Variants in SCN8A observed in about 807,000 individuals in gnomAD.
The protein encoded by SCN8A is sodium voltage-gated channel alpha subunit 8.
SCN8A carries 30 observed loss-of-function variants against 184.1 expected under a neutral mutation model. The ratio of observed to expected loss-of-function variants is 0.16; its 90% confidence interval spans 0.12 to 0.22. The LOEUF (loss-of-function observed/expected upper bound fraction) is 0.22, where lower values mean the gene tolerates loss of function less well. Among genes scored for constraint, SCN8A ranks in the 10% least tolerant of loss-of-function variants. SCN8A has a pLI of 1.00. For synonymous variants in SCN8A, 852 were observed against 907.0 expected (o/e 0.94, Z 1.09); for missense variants, 1,057 against 2,498.9 (o/e 0.42, Z 12.30).
intron 12 of SCN8A, among the ~76,000 whole-genome samples, chr12:51,732,705 A>G (rs1028569891): frequency 2.6e-5 from 4 of 152,182 alleles, no homozygotes; most frequent in Admixed American, 6.5e-5. Flanking sequence ...AACATGGAAT[A>G]TCTTTCCAGT....
intron 20 of SCN8A, 69 bp from the exon 21 acceptor site, chr12:51,780,561 CTTTCTTTTTTTTTTTTTTT>C: frequency 2.2e-6 from 1 of 457,834 alleles, no homozygotes; most frequent in African/African-American, 1.1e-4. Context: ...CCTCTGTTTT[CTTTCTTTTTTTTTTTTTTT>C]TTTTTTTTTT....
intron 26 of SCN8A, among the ~76,000 whole-genome samples, chr12:51,804,755 A>T (rs1938650857): frequency 6.6e-6 from 1 of 152,176 alleles, no homozygotes; most frequent in Non-Finnish European, 1.5e-5. Flanking sequence ...GATTACAGGC[A>T]TGAGCCATTG....
intron 1 of SCN8A, among the ~76,000 whole-genome samples, chr12:51,595,024 CTGTT>C (rs954582024): frequency 5.3e-5 from 8 of 152,136 alleles, no homozygotes; most frequent in Non-Finnish European, 8.8e-5. Flanking sequence ...CTCGTAAAGT[CTGTT>C]TGTTTATATT....
At chr12:51,660,366 C>G (rs1262140874) in intron 1 of SCN8A, among the ~76,000 whole-genome samples, 1 of 152,208 alleles carries the variant, frequency 6.6e-6, no homozygotes, top group Non-Finnish European at 1.5e-5. Context: ...AAGAATTTGT[C>G]AGCATCTTCA....
chr12:51,689,698 T>A (rs1941475662), intron 6 of SCN8A: 1 of 152,386 alleles, frequency 6.6e-6, no homozygotes, highest in African/African-American at 2.4e-5. Flanking sequence ...AGTAGACATC[T>A]ACTGTACATA....
chr12:51,643,305 G>A (rs1260095698), intron 1 of SCN8A, among the ~76,000 whole-genome samples: 4 of 152,120 alleles, frequency 2.6e-5, no homozygotes, highest in East Asian at 3.9e-4. Context: ...TATTTTCTTC[G>A]AGTTCGAGTC....
intron 1 of SCN8A, among the ~76,000 whole-genome samples, chr12:51,603,514 G>A (rs11169885): frequency 4.3e-3 from 649 of 152,262 alleles, no homozygotes; most frequent in Non-Finnish European, 6.6e-3. Context: ...ACAGGTTTTT[G>A]TGTGACCCTA....
chr12:51,680,433 T>C (rs1360401758), intron 2 of SCN8A, among the ~76,000 whole-genome samples: 1 of 152,192 alleles, frequency 6.6e-6, no homozygotes, highest in African/African-American at 2.4e-5. Flanking sequence ...TAATTCAGAA[T>C]CCTACCTCCT....
At chr12:51,636,902 T>C (rs1216695093) in intron 1 of SCN8A, among the ~76,000 whole-genome samples, 1 of 152,248 alleles carries the variant, frequency 6.6e-6, no homozygotes, top group Non-Finnish European at 1.5e-5. Flanking sequence ...GGCTTTGCTT[T>C]ATTGTAATTT....
intron 19 of SCN8A, among the ~76,000 whole-genome samples, chr12:51,773,698 C>T (rs528189592): frequency 1.3e-5 from 2 of 152,348 alleles, no homozygotes; most frequent in South Asian, 2.1e-4. Flanking sequence ...AAAACCCATA[C>T]ACAGATGTTC....
Position 51,773,827 on chromosome 12 carries a change from G to A in SCN8A, c.3646-362G>A, listed in dbSNP as rs12308765. Among the ~76,000 whole-genome samples the A allele has an allele frequency of 7.8e-3, 1,180 of 152,204 alleles. 15 individuals are homozygous for A. Among genetic ancestry groups the A allele is most frequent in the Middle Eastern group, 0.034 (10 of 294 alleles). On this transcript the variant is annotated intron_variant, in intron 19 of 26. Coordinates refer to ENST00000627620, the MANE Select transcript of SCN8A (RefSeq NM_001330260.2). ...TCAGCCGTAAGAAGGAAAATCTAGAGAGAGAAAGTAGGTGAGTGGCTGCCT... is the reference window on the plus strand; with the variant it reads ...TCAGCCGTAAGAAGGAAAATCTAGAAAGAGAAAGTAGGTGAGTGGCTGCCT...
intron 10 of SCN8A, among the ~76,000 whole-genome samples, chr12:51,706,030 C>T (rs1351862297): frequency 6.6e-6 from 1 of 152,142 alleles, no homozygotes; most frequent in Non-Finnish European, 1.5e-5. Flanking sequence ...ACTTGAAAGA[C>T]ATTTGTGATC....
In SCN8A at chr12:51,793,560, G is replaced by C. The variant is rs147679425; in HGVS notation, c.4525-811G>C. Among the ~76,000 whole-genome samples the C allele has an allele frequency of 3.8e-4, 58 of 152,314 alleles. 1 individual carries two copies. Among genetic ancestry groups the C allele is most frequent in the South Asian group, 1.2e-3 (6 of 4,824 alleles). On this transcript the variant is annotated intron_variant, in intron 25 of 26. Coordinates refer to ENST00000627620, the MANE Select transcript of SCN8A (RefSeq NM_001330260.2). ...CAGCAGGAATAGATGAGCTCTCATA[G>C]AGCAAAAATTTAGAGAAAGAAGGGA...
chr12:51,752,007 A>G (rs879577245), intron 14 of SCN8A, among the ~76,000 whole-genome samples: 1 of 152,092 alleles, frequency 6.6e-6, no homozygotes, highest in Non-Finnish European at 1.5e-5. Flanking sequence ...CTTATAGTAC[A>G]CTACATGTAA....
chr12:51,782,682 C>G (rs74091666), intron 21 of SCN8A, among the ~76,000 whole-genome samples: 21,175 of 152,202 alleles, frequency 0.14, 1,811 homozygotes, highest in East Asian at 0.36. Context: ...ATTACTGTCA[C>G]TCCTGTCCAG....
intron 15 of SCN8A, 91 bp from the exon 16 acceptor site, chr12:51,765,580 C>A: frequency 1.3e-6 from 1 of 796,002 alleles, no homozygotes; most frequent in Non-Finnish European, 1.9e-6. Context: ...TTAATCTGAT[C>A]TTCCTAATTT....
In SCN8A at chr12:51,615,807, T is replaced by A. The variant is rs150393130; in HGVS notation, c.-55+24448T>A. On this transcript the variant is annotated intron_variant, in intron 1 of 26. Transcript: ENST00000627620. ...ATCGTAGCTCACTGCAGCCTCAAAC[T>A]TCTGGGCTTAAGTGATCCTCTCACC... Among the ~76,000 whole-genome samples, 1,056 of 152,258 alleles carry A rather than the reference T, an allele frequency of 6.9e-3. 9 individuals carry two copies. Among genetic ancestry groups the A allele is most frequent in the African/African-American group, 0.024 (1,012 of 41,562 alleles).
chr12:51,684,311 G>A lies in SCN8A; in HGVS notation c.395+19G>A. On this transcript the variant is annotated intron_variant, in intron 3 of 26. Transcript: ENST00000627620. ...TACATTCATATCCTTTTCGGCAAAT[G>A]TGGAGTGAGTGCGGCAATTGCATGG... 1 of 1,124,660 alleles carries A rather than the reference G, an allele frequency of 8.9e-7. No homozygotes were observed. The highest frequency in any genetic ancestry group is 1.4e-6 in the Non-Finnish European group (1 of 733,280). 69.7% of individuals were successfully genotyped at this position (1,124,660 alleles called of 1,614,324 possible).
At position 51,686,321 on chromosome 12, in the gene SCN8A, A is replaced by G. The variant is rs771492820; in HGVS notation, c.396-47A>G. 3.2e-6 allele frequency: 4 copies of G among 1,232,784 alleles called. No individual in the cohort carries two copies. The Admixed American group carries it at 7.5e-5, about 23-fold the overall frequency. The allele number at this position is 1,232,784 out of a possible 1,614,324, so 76.4% of individuals were successfully genotyped here. A position where few individuals can be genotyped will look rare whatever the true frequency, so the allele number is the denominator to read the frequency against. ...GGAAATGTGTTTGTTTTTTGAGAAA[A>G]CAAAAGGCAGGCCAGATTTTAATAT... is the stretch of plus-strand genomic sequence containing the variant. On this transcript the variant is annotated intron_variant, in intron 3 of 26. Coordinates refer to ENST00000627620, the MANE Select transcript of SCN8A (RefSeq NM_001330260.2).
Sources: gnomAD v4.1 joint callset for allele counts (sites outside exome capture counted in the v4.1 genomes callset) on GRCh38, gnomAD v4.1.1 for gene constraint, MANE v1.5 for transcripts, NCBI Gene and HGNC (gene_info 2026-07-23, HGNC 2026-07-21) for gene names.